The following MYCBP2 variants were observed in gnomAD, a reference collection of about 807,000 sequenced individuals.
The protein encoded by MYCBP2 is MYC binding protein 2.
MYCBP2 carries 120 observed loss-of-function variants against 525.3 expected under a neutral mutation model. That is an observed-to-expected ratio of 0.23 (90% confidence interval 0.20 to 0.27). The LOEUF (loss-of-function observed/expected upper bound fraction) is 0.27, where lower values mean the gene tolerates loss of function less well. MYCBP2 is among the 10% of genes least tolerant of loss of function. MYCBP2 has a pLI of 1.00. For synonymous variants in MYCBP2, 1,894 were observed against 1,955.8 expected, an observed-to-expected ratio of 0.97 and a Z score of 0.83; for missense variants, 4,149 against 5,657.1, an observed-to-expected ratio of 0.73 and a Z score of 8.55.
At chr13:77,194,292 T>G (rs775800344) in intron 26 of MYCBP2, 48 bp from the exon 27 acceptor site, 2 of 1,321,214 alleles carry the variant, frequency 1.5e-6, no homozygotes, top group Non-Finnish European at 2.2e-6. Context: ...GCTATACATA[T>G]CTGATGAACA....
intron 3 of MYCBP2, among the ~76,000 whole-genome samples, chr13:77,279,294 T>C (rs977882321): frequency 6.6e-6 from 1 of 152,208 alleles, no homozygotes; most frequent in Non-Finnish European, 1.5e-5. Flanking sequence ...TTATTATTTA[T>C]AGTTGGTATC....
chr13:77,205,544 G>C lies in MYCBP2; in HGVS notation c.3644C>G (p.Thr1215Arg), dbSNP rs1227692788. 2 of 1,613,410 alleles carry C rather than the reference G, an allele frequency of 1.2e-6. No individual in the cohort carries two copies. Residue 1215 changes from threonine (T) to arginine (R), a missense_variant, in exon 25 of 83, where the codon ACA (threonine) becomes AGA (arginine). Physicochemically the swap from Thr to Arg is moderately conservative, Grantham distance 71. Around this residue, in one of 21 missense-constraint regions of MYCBP2, gnomAD observed 620 missense variants for 795.5 expected, o/e 0.78. Transcript: ENST00000544440. ...MQDLKMGVAS[T>R]EEETQAVMKV... ...CATTACTGCTTGAGTCTCTTCCTCTGTACTTGCAACACCCATTTTTAAGTC... is the reference window on the plus strand; with the variant it reads ...CATTACTGCTTGAGTCTCTTCCTCTCTACTTGCAACACCCATTTTTAAGTC...
chr13:77,131,794 A>C (rs1287362813), intron 52 of MYCBP2, among the ~76,000 whole-genome samples: 2 of 152,186 alleles, frequency 1.3e-5, no homozygotes, highest in East Asian at 1.9e-4. Flanking sequence ...GAAAATTAGA[A>C]AATTAAAGCA....
chr13:77,217,272 T>C (rs2064954915), intron 21 of MYCBP2, among the ~76,000 whole-genome samples: 1 of 152,192 alleles, frequency 6.6e-6, no homozygotes, highest in Admixed American at 6.5e-5. Flanking sequence ...CTCGCAAAGA[T>C]TTTTCTTGAT....
chr13:77,290,849 C>T (rs1490624125), intron 2 of MYCBP2, among the ~76,000 whole-genome samples: 1 of 152,186 alleles, frequency 6.6e-6, no homozygotes, highest in Non-Finnish European at 1.5e-5. Flanking sequence ...CACACAAACA[C>T]ATACACACTG....
intron 2 of MYCBP2, among the ~76,000 whole-genome samples, chr13:77,292,033 T>C (rs575377178): frequency 8.5e-5 from 13 of 152,352 alleles, no homozygotes; most frequent in African/African-American, 3.1e-4. Flanking sequence ...TTACAATGTG[T>C]ACCTGAGTTT....
intron 59 of MYCBP2, among the ~76,000 whole-genome samples, 191 bp downstream of exon 59, chr13:77,092,974 C>T (rs982236385): frequency 9.9e-5 from 15 of 152,164 alleles, no homozygotes; most frequent in Non-Finnish European, 1.9e-4. Flanking sequence ...GATCTCTTCT[C>T]TCCAACTAGT....
chr13:77,101,270 G>A (rs1268968211), intron 55 of MYCBP2, among the ~76,000 whole-genome samples: 1 of 151,972 alleles, frequency 6.6e-6, no homozygotes, highest in African/African-American at 2.4e-5. Context: ...TTATAAAAAA[G>A]GACAACTTGT....
At chr13:77,165,866 G>A (rs575626615) in intron 41 of MYCBP2, among the ~76,000 whole-genome samples, 14 of 152,180 alleles carry the variant, frequency 9.2e-5, no homozygotes, top group Non-Finnish European at 1.9e-4. Context: ...AGTAGTCCTG[G>A]TTAACTGGTT....
chr13:77,122,213 T>C (rs773853031), intron 54 of MYCBP2, among the ~76,000 whole-genome samples: 1 of 152,076 alleles, frequency 6.6e-6, no homozygotes, highest in Non-Finnish European at 1.5e-5. Flanking sequence ...CTGTCTGATA[T>C]AAAACAATAC....
At chr13:77,086,885 T>C (rs944838994) in intron 62 of MYCBP2, among the ~76,000 whole-genome samples, 2 of 152,146 alleles carry the variant, frequency 1.3e-5, no homozygotes, top group Non-Finnish European at 2.9e-5. Context: ...TATGTTTTCT[T>C]TAGTTCTTTA....
intron 68 of MYCBP2, chr13:77,076,273 G>C (rs2042275785): frequency 6.6e-6 from 1 of 152,372 alleles, no homozygotes; most frequent in Admixed American, 6.5e-5. Context: ...CAGTAGAAGA[G>C]AGAAAACATC....
chr13:77,152,988 C>T lies in MYCBP2; in HGVS notation c.6916-2039G>A, dbSNP rs527418830. ...GCTGAGGCAGGAGAATGGAGTGAAC[C>T]CAGGAAGCGGAGCTTGCAGTGAGCT... On this transcript the variant is annotated intron_variant, in intron 46 of 82. Transcript: ENST00000544440. 1.3e-4 allele frequency among the ~76,000 whole-genome samples: 20 copies of T among 150,844 alleles called. No individual in the cohort carries two copies. The East Asian group carries it at 2.2e-3, about 16-fold the overall frequency.
chr13:77,063,489 C>T (rs1412273039), intron 73 of MYCBP2, among the ~76,000 whole-genome samples: 7 of 136,744 alleles, frequency 5.1e-5, no homozygotes, highest in African/African-American at 1.1e-4. Flanking sequence ...TACCTGCAGG[C>T]GGAGGCTGCA....
At chr13:77,276,857 A>C (rs1307076230) in intron 4 of MYCBP2, among the ~76,000 whole-genome samples, 2 of 130,324 alleles carry the variant, frequency 1.5e-5, no homozygotes, top group Non-Finnish European at 3.1e-5. Context: ...TAGGGGTCTA[A>C]GTTGCCCAGA....
At position 77,166,409 on chromosome 13, in the gene MYCBP2, T is replaced by A. The variant is rs371019723; in HGVS notation, c.6260A>T (p.His2087Leu). The A allele has an allele frequency of 3.3e-5, 54 of 1,613,944 alleles. No individual in the cohort carries two copies. Among genetic ancestry groups the A allele is most frequent in the Non-Finnish European group, 4.2e-5 (50 of 1,179,952 alleles). Residue 2087 changes from histidine to leucine, a missense_variant, in exon 41 of 83, where the codon CAT (histidine) becomes CTT (leucine). Physicochemically the swap from His to Leu is moderately conservative, Grantham distance 99 (BLOSUM62 -3). This residue lies in a region of MYCBP2 where 692 missense variants were observed against 852.7 expected (regional missense o/e 0.81). Coordinates refer to ENST00000544440, the MANE Select transcript of MYCBP2 (RefSeq NM_015057.5). ...SGYGPKLTSVHENLNSWIELK... is the reference protein window; with the variant it reads ...SGYGPKLTSVLENLNSWIELK... Reference sequence around the variant, plus strand: ...TTCTATCCATGAATTAAGATTTTCATGAACAGATGTCAATTTTGGTCCATA... The same window carrying A: ...TTCTATCCATGAATTAAGATTTTCAAGAACAGATGTCAATTTTGGTCCATA...
chr13:77,257,684 G>T lies in MYCBP2; in HGVS notation c.2163C>A (p.Asn721Lys). The T allele has an allele frequency of 6.3e-7, 1 of 1,576,844 alleles. No homozygotes were observed. The highest frequency in any genetic ancestry group is 1.2e-5 in the South Asian group (1 of 82,974). ...TTAAAGACCTACCTTTCCCACCTTG[G>T]TTCATGGCACCAGTATCTCGTCCAC... The part of the protein sequence containing the change: ...GQCGRDTGAM[N>K]QGGKGFGVEN... Residue 721 changes from asparagine (N) to lysine (K), a missense_variant, in exon 14 of 83, where the codon AAC (asparagine) becomes AAA (lysine). By Grantham distance (94) the Asn-to-Lys change is moderately conservative. Coordinates refer to ENST00000544440, the MANE Select transcript of MYCBP2 (RefSeq NM_015057.5).
chr13:77,093,362 G>A (rs990730778), intron 58 of MYCBP2, 30 bp from the exon 59 acceptor site: 7 of 1,600,238 alleles, frequency 4.4e-6, no homozygotes, highest in Middle Eastern at 1.7e-4. Context: ...ATAACTTAAA[G>A]CATGATGGCA....
chr13:77,266,637 A>G (rs2074119322), intron 8 of MYCBP2, among the ~76,000 whole-genome samples: 1 of 150,992 alleles, frequency 6.6e-6, no homozygotes, highest in Non-Finnish European at 1.5e-5. Flanking sequence ...CTTTCAATAT[A>G]TGTATAAATA....
Sources: allele counts gnomAD v4.1 joint callset (sites outside exome capture counted in the v4.1 genomes callset), GRCh38; gene constraint gnomAD v4.1.1; regional missense constraint gnomAD v4.1.1; transcripts MANE v1.5; gene names NCBI Gene and HGNC (gene_info 2026-07-23, HGNC 2026-07-21).